The following IGFBP7 variants were observed in gnomAD, a reference collection of about 807,000 sequenced individuals.
IGFBP7 encodes insulin-like growth factor-binding protein 7.
A neutral mutation model predicts 29.4 loss-of-function variants in IGFBP7; 31 were observed. That is an observed-to-expected ratio of 1.05 (90% CI 0.79 to 1.42). IGFBP7 has a LOEUF of 1.42. IGFBP7 is among the 40% of genes most tolerant of loss of function. The pLI is 0.00. For synonymous variants in IGFBP7, 172 were observed against 174.9 expected, an observed-to-expected ratio of 0.98 and a Z score of 0.13; for missense variants, 393 against 395.5, an observed-to-expected ratio of 0.99 and a Z score of 0.05.
chr4:57,032,881 A>G lies in IGFBP7; in HGVS notation c.702+314T>C, dbSNP rs564422349. ...TCCATGAATATCCAGGGTCAAGTAA[A>G]ATAAGGTATTTATTAATCGATAATC... On this transcript the variant is annotated intron_variant, in intron 3 of 4. Transcript: ENST00000295666. Among the ~76,000 whole-genome samples the G allele has an allele frequency of 8.7e-4, 132 of 152,368 alleles. 1 individual carries two copies. Among genetic ancestry groups the G allele is most frequent in the Non-Finnish European group, 1.4e-3 (93 of 68,040 alleles).
intron 1 of IGFBP7, among the ~76,000 whole-genome samples, chr4:57,052,634 G>T (rs539599726): frequency 6.6e-6 from 1 of 152,016 alleles, no homozygotes; most frequent in Non-Finnish European, 1.5e-5. Context: ...TGAATAGCAC[G>T]GCCTTGCTTA....
rs139463455 is a variant in IGFBP7, at chr4:57,059,023, T to C, written c.476-18090A>G. Among the ~76,000 whole-genome samples the C allele has an allele frequency of 2.5e-3, 379 of 152,172 alleles. 13 individuals carry two copies. The East Asian group carries it at 0.051, about 20-fold the overall frequency. Reference sequence around the variant, plus strand: ...TCAACATCACTGATCATTAGAGAAATGCAGATCAAAACCACAATGAGATAC... The same window carrying C: ...TCAACATCACTGATCATTAGAGAAACGCAGATCAAAACCACAATGAGATAC... On this transcript the variant is annotated intron_variant, in intron 1 of 4. Coordinates refer to ENST00000295666, the MANE Select transcript of IGFBP7 (RefSeq NM_001553.3).
intron 1 of IGFBP7, among the ~76,000 whole-genome samples, chr4:57,084,495 C>T (rs1366026659): frequency 3.3e-5 from 5 of 152,162 alleles, no homozygotes; most frequent in Admixed American, 2.0e-4. Flanking sequence ...ATTCTGATGT[C>T]GGCAGTTTAA....
chr4:57,061,197 C>A (rs1283257860), intron 1 of IGFBP7, among the ~76,000 whole-genome samples: 1 of 152,060 alleles, frequency 6.6e-6, no homozygotes, highest in Non-Finnish European at 1.5e-5. Flanking sequence ...ATACAATAGT[C>A]CACCCTTATC....
intron 1 of IGFBP7, among the ~76,000 whole-genome samples, chr4:57,067,802 G>A (rs954378780): frequency 6.6e-6 from 1 of 151,824 alleles, no homozygotes; most frequent in African/African-American, 2.4e-5. Flanking sequence ...AGACCACCGA[G>A]TATTGTATGG....
intron 1 of IGFBP7, among the ~76,000 whole-genome samples, chr4:57,059,467 C>T (rs987311576): frequency 6.6e-6 from 1 of 152,106 alleles, no homozygotes; most frequent in Non-Finnish European, 1.5e-5. Flanking sequence ...GAGTTGGAGG[C>T]CATTATCCTC....
intron 1 of IGFBP7, among the ~76,000 whole-genome samples, chr4:57,100,123 T>C (rs1725861611): frequency 7.2e-6 from 1 of 139,620 alleles, no homozygotes; most frequent in Non-Finnish European, 1.5e-5. Context: ...TAGGCTGGAG[T>C]GCAGTGGCTC....
At chr4:57,048,023 C>A (rs2109751415) in intron 1 of IGFBP7, among the ~76,000 whole-genome samples, 1 of 151,264 alleles carries the variant, frequency 6.6e-6, no homozygotes, top group East Asian at 1.9e-4. Flanking sequence ...TGTAAGTCAC[C>A]ATGCCTGGCT....
intron 1 of IGFBP7, among the ~76,000 whole-genome samples, chr4:57,080,868 T>C (rs1212023719): frequency 1.3e-5 from 2 of 152,208 alleles, no homozygotes; most frequent in Non-Finnish European, 1.5e-5. Context: ...CCAATGAAAG[T>C]GTGTTGGGTC....
intron 1 of IGFBP7, among the ~76,000 whole-genome samples, chr4:57,058,308 C>A (rs1724720255): frequency 6.6e-6 from 1 of 151,948 alleles, no homozygotes; most frequent in South Asian, 2.1e-4. Context: ...AATTAGGGAA[C>A]ATAAAAAAAT....
intron 1 of IGFBP7, among the ~76,000 whole-genome samples, chr4:57,076,185 T>C (rs1714012): frequency 0.63 from 95,888 of 151,480 alleles, 30,705 homozygotes; most frequent in East Asian, 0.89. Context: ...TCTTTCTTTG[T>C]CTCTTCTTAT....
chr4:57,042,683 G>A (rs1486919828), intron 1 of IGFBP7, among the ~76,000 whole-genome samples: 1 of 152,124 alleles, frequency 6.6e-6, no homozygotes, highest in Non-Finnish European at 1.5e-5. Context: ...ATTAAAAGAT[G>A]GATATTTCAT....
At chr4:57,100,929 TCCCCTTA>T (rs1482048034) in intron 1 of IGFBP7, among the ~76,000 whole-genome samples, 1 of 152,198 alleles carries the variant, frequency 6.6e-6, no homozygotes, top group African/African-American at 2.4e-5. Flanking sequence ...GGATAACAAT[TCCCCTTA>T]CCTTCCAGGG....
At chr4:57,042,821 T>A (rs1333616495) in intron 1 of IGFBP7, among the ~76,000 whole-genome samples, 1 of 152,212 alleles carries the variant, frequency 6.6e-6, no homozygotes, top group Non-Finnish European at 1.5e-5. Flanking sequence ...GCTAAAATAG[T>A]CACTGTCACT....
At chr4:57,041,031 TC>T in intron 1 of IGFBP7, 98 bp from the exon 2 acceptor site, 2 of 787,376 alleles carry the variant, frequency 2.5e-6, no homozygotes, top group Non-Finnish European at 4.4e-6. Context: ...TATGAGGCCA[TC>T]CCCTTGATGG....
At chr4:57,056,821 T>C (rs938838645) in intron 1 of IGFBP7, among the ~76,000 whole-genome samples, 13 of 152,248 alleles carry the variant, frequency 8.5e-5, no homozygotes, top group African/African-American at 2.4e-5. Context: ...TTTTCTGCTC[T>C]TATTGGCATT....
At chr4:57,093,450 A>T (rs1173182741) in intron 1 of IGFBP7, among the ~76,000 whole-genome samples, 2 of 151,712 alleles carry the variant, frequency 1.3e-5, no homozygotes, top group Non-Finnish European at 2.9e-5. Context: ...CAGTGAGCGG[A>T]GATCACACCT....
chr4:57,099,236 G>C (rs1392568640), intron 1 of IGFBP7, among the ~76,000 whole-genome samples: 1 of 152,160 alleles, frequency 6.6e-6, no homozygotes, highest in Non-Finnish European at 1.5e-5. Flanking sequence ...ATTGGAGTCA[G>C]CTGCCTTTCT....
At chr4:57,056,951 T>C (rs1356844940) in intron 1 of IGFBP7, among the ~76,000 whole-genome samples, 1 of 152,234 alleles carries the variant, frequency 6.6e-6, no homozygotes, top group Admixed American at 6.5e-5. Context: ...GAATTATTAG[T>C]TCCCTAACAG....
Sources: allele counts gnomAD v4.1 joint callset (sites outside exome capture counted in the v4.1 genomes callset), GRCh38; gene constraint gnomAD v4.1.1; transcripts MANE v1.5; gene names NCBI Gene and HGNC (gene_info 2026-07-23, HGNC 2026-07-21).